SYNPO2L: variants seen among roughly 807,000 people sequenced by gnomAD.
SYNPO2L encodes the protein synaptopodin 2 like.
A neutral mutation model predicts 47.5 loss-of-function variants in SYNPO2L; 34 were observed. The observed-to-expected ratio is 0.72, with a 90% CI of 0.54 to 0.95. The LOEUF (loss-of-function observed/expected upper bound fraction) is 0.95, where lower values mean the gene tolerates loss of function less well. Ranked by LOEUF, SYNPO2L falls within the 40% of genes least tolerant of loss-of-function variation. The pLI, the probability that SYNPO2L is intolerant of heterozygous loss-of-function variation, is 0.00. For missense variants in SYNPO2L, 1,246 were observed against 1,282.0 expected, an observed-to-expected ratio of 0.97 and a Z score of 0.43; for synonymous variants, 536 against 524.9, an observed-to-expected ratio of 1.02 and a Z score of -0.29.
At position 73,646,608 on chromosome 10, in the gene SYNPO2L, C is replaced by A. The variant is rs566427671; in HGVS notation, c.*110G>T. ...ACATCAACTTGGAAACCATCTCTGG[C>A]AGGAGGCAATTTAGCTTCCAGATGC... On this transcript the variant is annotated 3_prime_UTR_variant, in exon 4 of 4. Transcript: ENST00000394810. 59 of 1,340,534 alleles carry A rather than the reference C, an allele frequency of 4.4e-5. No homozygotes were observed. The highest frequency in any genetic ancestry group is 5.5e-5 in the Non-Finnish European group (57 of 1,039,846). The allele number at this position is 1,340,534 out of a possible 1,614,324, so 83.0% of individuals were successfully genotyped here.
Position 73,648,571 on chromosome 10 carries a change from G to A in SYNPO2L, c.1081C>T (p.Leu361Phe), listed in dbSNP as rs1394467780. 6.2e-7 allele frequency: 1 copy of A among 1,614,066 alleles called. No individual in the cohort carries two copies. Among genetic ancestry groups the A allele is most frequent in the Non-Finnish European group, 8.5e-7 (1 of 1,180,020 alleles). ...GATGCTCTTGAGCCCGCCCTGGCAA[G>A]CTCCATGTCCAGATAGGGACTGTCC... ...DWDSPYLDMELARAGSRASEG... is the reference protein window; with the variant it reads ...DWDSPYLDMEFARAGSRASEG... Residue 361 changes from leucine (L) to phenylalanine (F), a missense_variant, in exon 4 of 4, where the codon CTT becomes TTT. This residue lies in a region of SYNPO2L where 1,037 missense variants were observed against 1,021.5 expected (regional missense o/e 1.02). Coordinates refer to ENST00000394810, the MANE Select transcript of SYNPO2L (RefSeq NM_001114133.3).
rs2132423758 is a variant in SYNPO2L, at chr10:73,653,660, A to G, written c.258-7T>C. 1.3e-6 allele frequency: 2 copies of G among 1,531,134 alleles called. No individual in the cohort carries two copies. Among genetic ancestry groups the G allele is most frequent in the Middle Eastern group, 1.7e-4 (1 of 5,884 alleles). 94.8% of individuals were successfully genotyped at this position (1,531,134 alleles called of 1,614,324 possible). On this transcript the variant is annotated splice_region_variant and splice_polypyrimidine_tract_variant and intron_variant, in intron 2 of 3. Coordinates refer to ENST00000394810, the MANE Select transcript of SYNPO2L (RefSeq NM_001114133.3). ...AGGACCCTCGTCTGCTAACCTGGAT[A>G]GGAAAGATGACAGAGCTTGAGAGAT... is the stretch of plus-strand genomic sequence containing the variant.
chr10:73,653,847 G>T (rs1260869471), intron 2 of SYNPO2L, among the ~76,000 whole-genome samples, 194 bp from the exon 3 acceptor site: 1 of 152,118 alleles, frequency 6.6e-6, no homozygotes, highest in Non-Finnish European at 1.5e-5. Flanking sequence ...TGCTTGAAGG[G>T]CTGTGAGTGG....
At chr10:73,651,876 C>T (rs934065105) in intron 3 of SYNPO2L, among the ~76,000 whole-genome samples, 2 of 151,732 alleles carry the variant, frequency 1.3e-5, no homozygotes, top group South Asian at 4.2e-4. Flanking sequence ...GAGTTCGAGA[C>T]CAGCCTGGCC....
rs982022074 is a variant in SYNPO2L at position 73,646,736 on chromosome 10, A to T, written c.2916T>A (p.Pro972=). The T allele has an allele frequency of 1.5e-5, 22 of 1,495,878 alleles. No homozygotes were observed. The highest frequency in any genetic ancestry group is 2.0e-5 in the Non-Finnish European group (22 of 1,122,110). 92.7% of individuals were successfully genotyped at this position (1,495,878 alleles called of 1,614,324 possible). Residue 972 remains proline, a synonymous_variant, in exon 4 of 4, where the codon CCT becomes CCA. Coordinates refer to ENST00000394810, the MANE Select transcript of SYNPO2L (RefSeq NM_001114133.3). ...TGCCTGTTCACTGGTGCCCTGCCCC[A>T]GGCCTCCACACATGAGCTTGCAATC... is the stretch of plus-strand genomic sequence containing the variant. ...RTGLQAHVWR[P]GAGHQ
intron 3 of SYNPO2L, among the ~76,000 whole-genome samples, chr10:73,652,498 A>G (rs752797114): frequency 4.0e-5 from 6 of 151,458 alleles, no homozygotes; most frequent in Non-Finnish European, 8.8e-5. Flanking sequence ...GTGAAACCCC[A>G]TCTCTACTAA....
chr10:73,651,138 T>G (rs771279318), intron 3 of SYNPO2L: 3 of 1,336,620 alleles, frequency 2.2e-6, no homozygotes, highest in Non-Finnish European at 2.9e-6. Context: ...AGCCTGGCCC[T>G]CTCCCTTCTC....
At position 73,647,249 on chromosome 10, in the gene SYNPO2L, A is replaced by C; in HGVS notation, c.2403T>G (p.Tyr801Ter). ...GAGGCGGGGCACGGATGTTGGGTGA[A>C]TATTTCCAGGAAGGGGGCAGAGACG... ...PTPSLPPSWK[Y>*]SPNIRAPPPI... is the part of the protein sequence containing the mutation. Residue 801 changes from tyrosine (Y) to a stop codon, truncating the protein, a stop_gained, in exon 4 of 4, where the codon TAT (tyrosine) becomes TAG (stop). Coordinates refer to ENST00000394810, the MANE Select transcript of SYNPO2L (RefSeq NM_001114133.3). LOFTEE classifies it high-confidence loss of function. The C allele has an allele frequency of 6.2e-7, 1 of 1,613,948 alleles. No homozygotes were observed. Among genetic ancestry groups the C allele is most frequent in the East Asian group, 2.2e-5 (1 of 44,844 alleles).
intron 3 of SYNPO2L, chr10:73,650,877 C>G (rs2081835601): frequency 1.3e-6 from 2 of 1,581,074 alleles, no homozygotes; most frequent in African/African-American, 2.7e-5. Context: ...ATTCTAGACC[C>G]CAGACTCTCA....
intron 1 of SYNPO2L, among the ~76,000 whole-genome samples, chr10:73,654,501 AT>A (rs2081864485): frequency 6.6e-6 from 1 of 152,176 alleles, no homozygotes; most frequent in Non-Finnish European, 1.5e-5. Context: ...TAGGGTAACC[AT>A]TGAATGAAAG....
In SYNPO2L at chr10:73,647,763, C is replaced by G. The variant is rs143723429; in HGVS notation, c.1889G>C (p.Arg630Pro). The G allele has an allele frequency of 5.0e-6, 8 of 1,613,716 alleles. No homozygotes were observed. In the African/African-American group the frequency reaches 6.7e-5, roughly 13 times the overall value. Residue 630 changes from arginine (R) to proline (P), a missense_variant, in exon 4 of 4, where the codon CGG (arginine) becomes CCG (proline). Transcript: ENST00000394810. ...CCGGAACATCTGCTTCCGGGTCCCC[C>G]GGCGCCGGGCCTCCTGCAGGATACC... Reference protein sequence around the residue: ...RTGILQEARRRGTRKQMFRPG... With the variant: ...RTGILQEARRPGTRKQMFRPG...
intron 1 of SYNPO2L, among the ~76,000 whole-genome samples, chr10:73,655,223 G>A (rs940897736): frequency 6.6e-5 from 10 of 152,108 alleles, no homozygotes; most frequent in Non-Finnish European, 1.3e-4. Context: ...TTTACAGTTC[G>A]GAAAACTAAG....
chr10:73,649,163 A>T (rs544573866), intron 3 of SYNPO2L, among the ~76,000 whole-genome samples: 1 of 152,206 alleles, frequency 6.6e-6, no homozygotes, highest in South Asian at 2.1e-4. Context: ...CTTCCAAGAG[A>T]TGTGCTCTTA....
Position 73,650,085 on chromosome 10 carries a change from A to G in SYNPO2L, c.773-1206T>C, listed in dbSNP as rs572666359. Reference sequence around the variant, plus strand: ...ATGTGGGGCCTGGGTAGGTGGGGCCAGGAAATGGGAGGGCTACCCTGCTGC... The same window carrying G: ...ATGTGGGGCCTGGGTAGGTGGGGCCGGGAAATGGGAGGGCTACCCTGCTGC... On this transcript the variant is annotated intron_variant, in intron 3 of 3. Coordinates refer to ENST00000394810, the MANE Select transcript of SYNPO2L (RefSeq NM_001114133.3). The G allele has an allele frequency of 1.7e-5, 17 of 985,406 alleles. No homozygotes were observed. The South Asian group carries it at 7.0e-4, about 41-fold the overall frequency. The allele number at this position is 985,406 out of a possible 1,614,324, so 61.0% of individuals were successfully genotyped here.
rs1177842082 is a variant in SYNPO2L at position 73,647,735 on chromosome 10, C to T, written c.1917G>A (p.Pro639=). 1 of 1,614,092 alleles carries T rather than the reference C, an allele frequency of 6.2e-7. No homozygotes were observed. The highest frequency in any genetic ancestry group is 2.2e-5 in the East Asian group (1 of 44,878). Residue 639 remains proline (P), a synonymous_variant, in exon 4 of 4, where the codon CCG becomes CCA. Transcript: ENST00000394810. ...GCGAGTTCTTCGTCTCCTCCTTTCC[C>T]GGCCGGAACATCTGCTTCCGGGTCC... ...RRGTRKQMFR[P]GKEETKNSPN... is the part of the protein sequence containing the mutation.
At position 73,647,019 on chromosome 10, in the gene SYNPO2L, G is replaced by A. The variant is rs745419706; in HGVS notation, c.2633C>T (p.Ser878Phe). Reference sequence around the variant, plus strand: ...CTCCTGGACTCGGGCAGTTTTGGGGGACCCTGAGGCGATAGGGCCAGGAGT... The same window carrying A: ...CTCCTGGACTCGGGCAGTTTTGGGGAACCCTGAGGCGATAGGGCCAGGAGT... ...PPTPGPIASG[S>F]PKTARVQEIR... Residue 878 changes from serine (S) to phenylalanine (F), a missense_variant, in exon 4 of 4, where the codon TCC (serine) becomes TTC (phenylalanine). By Grantham distance (155) the Ser-to-Phe change is radical. Transcript: ENST00000394810. 1 of 1,613,588 alleles carries A rather than the reference G, an allele frequency of 6.2e-7. No homozygotes were observed. The highest frequency in any genetic ancestry group is 8.5e-7 in the Non-Finnish European group (1 of 1,179,606).
At position 73,655,991 on chromosome 10, in the gene SYNPO2L, C is replaced by G. The variant is rs886908271; in HGVS notation, c.-69G>C. On this transcript the variant is annotated 5_prime_UTR_variant, in exon 1 of 4. Coordinates refer to ENST00000394810, the MANE Select transcript of SYNPO2L (RefSeq NM_001114133.3). ...CAGGAGAGAAGTTGAGGTGCTCGAA[C>G]CCCGTCTGGGCTTCCTGTCCGGCTG... 7.3e-7 allele frequency: 1 copy of G among 1,361,720 alleles called. No individual in the cohort carries two copies. The highest frequency in any genetic ancestry group is 1.5e-5 in the African/African-American group (1 of 68,288). The allele number at this position is 1,361,720 out of a possible 1,614,324, so 84.4% of individuals were successfully genotyped here.
At position 73,646,963 on chromosome 10, in the gene SYNPO2L, G is replaced by C; in HGVS notation, c.2689C>G (p.Pro897Ala). Reference sequence around the variant, plus strand: ...GTGGGAGCCAGGGGTTCTGCAGTGGGCTGGGGTGCCGGAGTGGAAAACCGG... The same window carrying C: ...GTGGGAGCCAGGGGTTCTGCAGTGGCCTGGGGTGCCGGAGTGGAAAACCGG... ...IRRFSTPAPQ[P>A]TAEPLAPTVL... Residue 897 changes from proline (P) to alanine (A), a missense_variant, in exon 4 of 4, where the codon CCC becomes GCC. Physicochemically the swap from Pro to Ala is conservative, Grantham distance 27. This residue lies in a region of SYNPO2L where 1,037 missense variants were observed against 1,021.5 expected (regional missense o/e 1.02). Coordinates refer to ENST00000394810, the MANE Select transcript of SYNPO2L (RefSeq NM_001114133.3). The C allele has an allele frequency of 6.2e-7, 1 of 1,610,312 alleles. No homozygotes were observed. Among genetic ancestry groups the C allele is most frequent in the Non-Finnish European group, 8.5e-7 (1 of 1,177,664 alleles).
rs143723429 is a variant in SYNPO2L, at chr10:73,647,763, C to T, written c.1889G>A (p.Arg630Gln). The T allele has an allele frequency of 6.8e-6, 11 of 1,613,832 alleles. No homozygotes were observed. The highest frequency in any genetic ancestry group is 2.2e-5 in the East Asian group (1 of 44,874). ...CCGGAACATCTGCTTCCGGGTCCCCCGGCGCCGGGCCTCCTGCAGGATACC... is the reference window on the plus strand; with the variant it reads ...CCGGAACATCTGCTTCCGGGTCCCCTGGCGCCGGGCCTCCTGCAGGATACC... ...RTGILQEARR[R>Q]GTRKQMFRPG... The change falls in exon 4 of 4, where the codon CGG becomes CAG. Residue 630 changes from arginine to glutamine, a missense_variant. Physicochemically the swap from Arg to Gln is conservative, Grantham distance 43 (BLOSUM62 1). This residue lies in a region of SYNPO2L where 1,037 missense variants were observed against 1,021.5 expected (regional missense o/e 1.02). Coordinates refer to ENST00000394810, the MANE Select transcript of SYNPO2L (RefSeq NM_001114133.3).
Sources: gnomAD v4.1 joint callset for allele counts (sites outside exome capture counted in the v4.1 genomes callset) on GRCh38, gnomAD v4.1.1 for gene constraint, gnomAD v4.1.1 regional missense constraint, MANE v1.5 for transcripts, NCBI Gene and HGNC (gene_info 2026-07-23, HGNC 2026-07-21) for gene names.